Variants in LINGO2 observed in about 807,000 individuals in gnomAD.
LINGO2 encodes the protein leucine-rich repeat and immunoglobulin-like domain-containing nogo receptor-interacting protein 2.
In LINGO2, 14 loss-of-function variants were observed where a neutral mutation model predicts 30.6. That is an observed-to-expected ratio of 0.46 (90% CI 0.30 to 0.72). LINGO2 has a LOEUF of 0.72. Among genes scored for constraint, LINGO2 ranks in the 30% least tolerant of loss-of-function variants. The pLI is 0.07. For missense variants in LINGO2, 729 were observed against 751.7 expected (o/e 0.97, Z 0.35); for synonymous variants, 317 against 288.5 (o/e 1.10, Z -1.00).
At chr9:28,827,540 T>C in the LINGO2 span, among the ~76,000 whole-genome samples, 21 of 152,304 alleles carry the variant, frequency 1.4e-4, 1 homozygote, top group South Asian at 3.9e-3. Flanking sequence ...CAAATACATT[T>C]ACAGTACTTA....
At chr9:28,870,055 G>A in the LINGO2 span, among the ~76,000 whole-genome samples, 1 of 150,836 alleles carries the variant, frequency 6.6e-6, no homozygotes, top group African/African-American at 2.4e-5. Flanking sequence ...CATTTATATT[G>A]AGTCCCTCCT....
In LINGO2 at chr9:28,109,697, A is replaced by G. The variant is rs572450638; in HGVS notation, c.-86-97292T>C. Among the ~76,000 whole-genome samples the G allele has an allele frequency of 5.9e-5, 9 of 152,352 alleles. No individual in the cohort carries two copies. The South Asian group carries it at 1.7e-3, about 28-fold the overall frequency. On this transcript the variant is annotated intron_variant, in intron 4 of 5. Transcript: ENST00000379992. ...GGAATACAACTGACAAGGGACATGA[A>G]GGATCTCTTCAAGAACTACAAACCT... is the stretch of plus-strand genomic sequence containing the variant.
At chr9:29,050,789 T>C in the LINGO2 span, among the ~76,000 whole-genome samples, 3 of 152,316 alleles carry the variant, frequency 2.0e-5, no homozygotes, top group East Asian at 5.8e-4. Context: ...ATAGCAACTA[T>C]ATAAATAGTT....
chr9:29,154,229 A>G, the LINGO2 span, among the ~76,000 whole-genome samples: 1 of 152,096 alleles, frequency 6.6e-6, no homozygotes, highest in Non-Finnish European at 1.5e-5. Context: ...GCGGATCACA[A>G]GATCAGGAGA....
At chr9:28,657,009 T>C (rs1324249787) in intron 1 of LINGO2, among the ~76,000 whole-genome samples, 2 of 152,034 alleles carry the variant, frequency 1.3e-5, no homozygotes, top group Admixed American at 6.6e-5. Context: ...ATTCTGCAAA[T>C]GAATCATAAG....
chr9:29,032,374 A>T, the LINGO2 span, among the ~76,000 whole-genome samples: 60,487 of 151,934 alleles, frequency 0.4, 12,242 homozygotes, highest in East Asian at 0.55. Flanking sequence ...CAAAATGACA[A>T]TACATACAGC....
the LINGO2 span, among the ~76,000 whole-genome samples, chr9:28,832,625 C>T: frequency 6.6e-6 from 1 of 152,066 alleles, no homozygotes; most frequent in Non-Finnish European, 1.5e-5. Flanking sequence ...GTGTTTATAT[C>T]ATCATACGGC....
chr9:28,944,499 G>A, the LINGO2 span, among the ~76,000 whole-genome samples: 28 of 151,542 alleles, frequency 1.8e-4, no homozygotes, highest in Non-Finnish European at 3.5e-4. Flanking sequence ...TCTGCCTCCC[G>A]GGTTCAAGCA....
the LINGO2 span, among the ~76,000 whole-genome samples, chr9:28,868,357 C>A: frequency 1.3e-5 from 2 of 152,128 alleles, no homozygotes; most frequent in Non-Finnish European, 2.9e-5. Context: ...ATAAAGTGGA[C>A]CTCTACATTT....
chr9:28,702,653 A>T, the LINGO2 span, among the ~76,000 whole-genome samples: 1 of 151,898 alleles, frequency 6.6e-6, no homozygotes, highest in Non-Finnish European at 1.5e-5. Context: ...TTGTCATAGA[A>T]TGAGTTAGAA....
chr9:28,804,891 A>C, the LINGO2 span, among the ~76,000 whole-genome samples: 1,548 of 152,232 alleles, frequency 0.01, 30 homozygotes, highest in African/African-American at 0.035. Context: ...ATTCTTGTCA[A>C]GCTCCAGTGC....
the LINGO2 span, among the ~76,000 whole-genome samples, chr9:28,783,428 A>C: frequency 6.6e-6 from 1 of 152,002 alleles, no homozygotes; most frequent in Non-Finnish European, 1.5e-5. Flanking sequence ...GTATTTTTTA[A>C]TACTTAATAT....
the LINGO2 span, among the ~76,000 whole-genome samples, chr9:28,909,957 A>G: frequency 6.6e-6 from 1 of 152,226 alleles, no homozygotes; most frequent in East Asian, 1.9e-4. Flanking sequence ...AATTGCAAGA[A>G]AGAATAATAT....
the LINGO2 span, among the ~76,000 whole-genome samples, chr9:29,097,591 A>G: frequency 7.2e-6 from 1 of 139,138 alleles, no homozygotes; most frequent in African/African-American, 2.7e-5. Flanking sequence ...CTGTTACACC[A>G]ATAAAGATAA....
At chr9:28,706,714 G>T in the LINGO2 span, among the ~76,000 whole-genome samples, 2 of 152,018 alleles carry the variant, frequency 1.3e-5, no homozygotes, top group African/African-American at 4.8e-5. Context: ...AGCATTTTAG[G>T]GGACATGTAA....
chr9:28,830,603 C>A, the LINGO2 span, among the ~76,000 whole-genome samples: 1 of 152,178 alleles, frequency 6.6e-6, no homozygotes, highest in Non-Finnish European at 1.5e-5. Context: ...ACCCAACTCC[C>A]TAAAAGGAGG....
intron 4 of LINGO2, among the ~76,000 whole-genome samples, chr9:28,045,605 C>A (rs574648127): frequency 2.0e-5 from 3 of 152,174 alleles, no homozygotes; most frequent in African/African-American, 7.2e-5. Flanking sequence ...ATTATGGGAG[C>A]CTAGAGGATT....
intron 4 of LINGO2, among the ~76,000 whole-genome samples, chr9:28,095,410 T>C (rs1664618246): frequency 6.6e-6 from 1 of 151,994 alleles, no homozygotes; most frequent in African/African-American, 2.4e-5. Flanking sequence ...ACGCCGCATA[T>C]CTACAACTAT....
the LINGO2 span, among the ~76,000 whole-genome samples, chr9:29,084,178 C>T: frequency 7.5e-6 from 1 of 133,412 alleles, no homozygotes; most frequent in Admixed American, 7.5e-5. Context: ...AAAAATAAAC[C>T]TAGATTATTC....
Sources: gnomAD v4.1 joint callset for allele counts (sites outside exome capture counted in the v4.1 genomes callset) on GRCh38, gnomAD v4.1.1 for gene constraint, MANE v1.5 for transcripts, NCBI Gene and HGNC (gene_info 2026-07-23, HGNC 2026-07-21) for gene names.